ME3: variants seen among roughly 807,000 people sequenced by gnomAD.
ME3 encodes malic enzyme 3, also known as NADP-dependent malic enzyme, mitochondrial.
In ME3, 48 loss-of-function variants were observed where a neutral mutation model predicts 68.9. The observed-to-expected ratio is 0.70, with a 90% confidence interval of 0.55 to 0.89. ME3 has a LOEUF of 0.89. ME3 is among the 40% of genes least tolerant of loss of function. ME3 has a pLI of 0.00. For synonymous variants in ME3, 320 were observed against 318.8 expected (o/e 1.00, Z -0.04); for missense variants, 675 against 797.4 (o/e 0.85, Z 1.85).
intron 4 of ME3, among the ~76,000 whole-genome samples, chr11:86,522,847 A>G (rs658324): frequency 0.8 from 121,993 of 152,132 alleles, 49,159 homozygotes; most frequent in South Asian, 0.84. Flanking sequence ...ATTGTATTAG[A>G]TATAGTAAGT....
chr11:86,563,625 A>G (rs1036664147), intron 2 of ME3, among the ~76,000 whole-genome samples: 3 of 152,286 alleles, frequency 2.0e-5, no homozygotes, highest in South Asian at 2.1e-4. Context: ...TAATTTTTAT[A>G]TATGGTAAAA....
intron 7 of ME3, among the ~76,000 whole-genome samples, chr11:86,478,513 T>C (rs569245871): frequency 3.7e-4 from 56 of 152,214 alleles, no homozygotes; most frequent in South Asian, 8.3e-4. Context: ...GAATTTGAAT[T>C]GGGGCATTGT....
intron 2 of ME3, among the ~76,000 whole-genome samples, chr11:86,588,853 C>T (rs946744544): frequency 1.3e-5 from 2 of 152,188 alleles, no homozygotes; most frequent in African/African-American, 4.8e-5. Flanking sequence ...CCTTTCCTAA[C>T]TCCCCAGAGC....
At chr11:86,466,603 G>A (rs966605360) in intron 7 of ME3, among the ~76,000 whole-genome samples, 2 of 152,190 alleles carry the variant, frequency 1.3e-5, no homozygotes, top group African/African-American at 2.4e-5. Flanking sequence ...ATGAGGGAGT[G>A]AGGAGCACTG....
chr11:86,579,804 C>A (rs1432534262), intron 2 of ME3, among the ~76,000 whole-genome samples: 1 of 152,104 alleles, frequency 6.6e-6, no homozygotes, highest in Non-Finnish European at 1.5e-5. Context: ...TAATGCAGAT[C>A]TAAAATTAAT....
intron 4 of ME3, among the ~76,000 whole-genome samples, chr11:86,549,416 G>A (rs1031936844): frequency 6.6e-6 from 1 of 152,074 alleles, no homozygotes; most frequent in African/African-American, 2.4e-5. Flanking sequence ...ATTTGCCATT[G>A]GCCTACCACA....
chr11:86,545,893 A>T (rs1956332111), intron 4 of ME3, among the ~76,000 whole-genome samples: 3 of 152,230 alleles, frequency 2.0e-5, no homozygotes, highest in Non-Finnish European at 4.4e-5. Flanking sequence ...TGGAGGCATC[A>T]TGCTACCTGA....
At chr11:86,574,825 C>CA (rs1296708437) in intron 2 of ME3, among the ~76,000 whole-genome samples, 1 of 152,160 alleles carries the variant, frequency 6.6e-6, no homozygotes, top group Admixed American at 6.5e-5. Flanking sequence ...TTTTTAAAGT[C>CA]AAAAAACTCT....
chr11:86,571,010 T>G (rs1427226396), intron 2 of ME3, among the ~76,000 whole-genome samples: 3 of 152,224 alleles, frequency 2.0e-5, no homozygotes, highest in African/African-American at 7.2e-5. Flanking sequence ...TGTTAAAATT[T>G]CTGTGAATTC....
chr11:86,439,322 T>C (rs1948915679), downstream of ME3, among the ~76,000 whole-genome samples: 1 of 152,212 alleles, frequency 6.6e-6, no homozygotes, highest in African/African-American at 2.4e-5. Flanking sequence ...AAAAATTCAG[T>C]TCAACATATA....
chr11:86,485,586 T>A (rs1565844301), intron 7 of ME3, among the ~76,000 whole-genome samples: 1 of 152,162 alleles, frequency 6.6e-6, no homozygotes, highest in Non-Finnish European at 1.5e-5. Context: ...TTCCACGTAC[T>A]ATCCAACTCA....
intron 2 of ME3, among the ~76,000 whole-genome samples, chr11:86,581,723 G>T (rs950472866): frequency 3.3e-5 from 5 of 152,022 alleles, no homozygotes; most frequent in African/African-American, 1.2e-4. Flanking sequence ...TCATCTTCCT[G>T]CATTCCCTAC....
chr11:86,665,081 G>A (rs977565219), intron 2 of ME3, among the ~76,000 whole-genome samples: 1 of 152,164 alleles, frequency 6.6e-6, no homozygotes, highest in Non-Finnish European at 1.5e-5. Flanking sequence ...ATGAGAGGAG[G>A]GAGCCTTAGC....
chr11:86,605,623 T>C (rs1383433450), intron 2 of ME3, among the ~76,000 whole-genome samples: 1 of 152,226 alleles, frequency 6.6e-6, no homozygotes, highest in Non-Finnish European at 1.5e-5. Flanking sequence ...TTTGTTGAAT[T>C]ACATCGAAGT....
At chr11:86,649,517 T>C (rs1945256245) in intron 2 of ME3, among the ~76,000 whole-genome samples, 1 of 152,282 alleles carries the variant, frequency 6.6e-6, no homozygotes, top group South Asian at 2.1e-4. Flanking sequence ...AGAGAGGAAG[T>C]CGGATTGTCT....
chr11:86,541,054 C>G (rs1008757769), intron 4 of ME3, among the ~76,000 whole-genome samples: 1 of 152,192 alleles, frequency 6.6e-6, no homozygotes, highest in Admixed American at 6.5e-5. Flanking sequence ...ACTCCCTCCC[C>G]TAGCCAAGGG....
At chr11:86,550,513 G>A (rs1956611616) in intron 4 of ME3, among the ~76,000 whole-genome samples, 1 of 152,176 alleles carries the variant, frequency 6.6e-6, no homozygotes, top group Non-Finnish European at 1.5e-5. Context: ...ACCAGAACCG[G>A]CTGCAGACCT....
intron 3 of ME3, among the ~76,000 whole-genome samples, chr11:86,558,927 C>G (rs1396843692): frequency 6.6e-6 from 1 of 152,156 alleles, no homozygotes. Context: ...TGAACTCAGT[C>G]TAGTACTAGA....
chr11:86,448,588 C>G (rs949210708), intron 10 of ME3, among the ~76,000 whole-genome samples: 5 of 152,130 alleles, frequency 3.3e-5, no homozygotes, highest in African/African-American at 1.2e-4. Flanking sequence ...TCACCAAGAC[C>G]CTTTGGCCCA....
Sources: gnomAD v4.1 joint callset for allele counts (sites outside exome capture counted in the v4.1 genomes callset) on GRCh38, gnomAD v4.1.1 for gene constraint, MANE v1.5 for transcripts, NCBI Gene and HGNC (gene_info 2026-07-23, HGNC 2026-07-21) for gene names.